The following SGCZ variants were observed in gnomAD, a reference collection of about 807,000 sequenced individuals.
The protein encoded by SGCZ is zeta-sarcoglycan.
Under a neutral mutation model 41.3 loss-of-function variants are expected in SGCZ, and 40 were observed. That is an observed-to-expected ratio of 0.97 (90% CI 0.75 to 1.26). SGCZ has a LOEUF of 1.26. Among genes scored for constraint, SGCZ ranks in the 50% most tolerant of loss-of-function variants. The pLI is 0.00. For missense variants in SGCZ, 552 were observed against 369.8 expected, an observed-to-expected ratio of 1.49 and a Z score of -4.04; for synonymous variants, 206 against 137.5, an observed-to-expected ratio of 1.50 and a Z score of -3.49.
rs547027271 is a variant in SGCZ at position 14,970,072 on chromosome 8, T to C, written c.39+267513A>G. 4.6e-5 allele frequency among the ~76,000 whole-genome samples: 7 copies of C among 152,274 alleles called. No homozygotes were observed. In the East Asian group the frequency reaches 9.6e-4, roughly 21 times the overall value. On this transcript the variant is annotated intron_variant, in intron 1 of 7. Coordinates refer to ENST00000382080, the MANE Select transcript of SGCZ (RefSeq NM_139167.4). ...ACAGTCATTTTAATTATAGTCATTC[T>C]CACTCATTCTCATAAGTGTGTAGTG...
intron 2 of SGCZ, among the ~76,000 whole-genome samples, chr8:14,336,822 G>T (rs12386975): frequency 1.3e-5 from 2 of 152,036 alleles, no homozygotes; most frequent in African/African-American, 4.8e-5. Flanking sequence ...TTCTTCTGTT[G>T]TGCTCCTTAC....
intron 2 of SGCZ, among the ~76,000 whole-genome samples, chr8:14,431,890 A>C (rs949425197): frequency 6.6e-6 from 1 of 152,210 alleles, no homozygotes; most frequent in Admixed American, 6.5e-5. Context: ...ACAGTTCTTA[A>C]AAGAAGATAC....
Position 14,680,963 on chromosome 8 carries a change from G to GAAAAAAAAAAAAAAAAAAAAAAAAAAAA in SGCZ, c.40-126038_40-126037insTTTTTTTTTTTTTTTTTTTTTTTTTTTT, listed in dbSNP as rs374278969. On this transcript the variant is annotated intron_variant, in intron 1 of 7. Transcript: ENST00000382080. ...TGAAACATACAGAGGAAAAAGAGTGGGAAAAAAAAAAAAAAAAACAGAAAA... is the reference window on the plus strand; with the variant it reads ...TGAAACATACAGAGGAAAAAGAGTGGAAAAAAAAAAAAAAAAAAAAAAAAAAAAGAAAAAAAAAAAAAAAAACAGAAAA... Among the ~76,000 whole-genome samples the GAAAAAAAAAAAAAAAAAAAAAAAAAAAA allele has an allele frequency of 6.6e-5, 7 of 106,176 alleles. 1 individual carries two copies. Among genetic ancestry groups the GAAAAAAAAAAAAAAAAAAAAAAAAAAAA allele is most frequent in the South Asian group, 3.0e-4 (1 of 3,384 alleles). The allele number at this position is 106,176 out of a possible 152,430, so 69.7% of individuals were successfully genotyped here.
At chr8:14,766,808 G>A (rs1291086802) in intron 1 of SGCZ, among the ~76,000 whole-genome samples, 1 of 147,152 alleles carries the variant, frequency 6.8e-6, no homozygotes, top group Non-Finnish European at 1.5e-5. Context: ...CATCTACTGA[G>A]CTCAAACAGT....
At chr8:14,164,396 T>C (rs562788278) in intron 5 of SGCZ, among the ~76,000 whole-genome samples, 184 bp downstream of exon 5, 5 of 152,262 alleles carry the variant, frequency 3.3e-5, no homozygotes, top group Non-Finnish European at 7.3e-5. Context: ...CTGCTAATAT[T>C]TGCATTCTTT....
rs1802546997 is a variant in SGCZ, at chr8:14,514,221, TG to T, written c.234+40510del. Among the ~76,000 whole-genome samples the T allele has an allele frequency of 2.0e-5, 3 of 151,702 alleles. No homozygotes were observed. The East Asian group carries it at 5.9e-4, about 30-fold the overall frequency. The stretch of plus-strand genomic sequence containing the variant: ...TGGTGTAGAGCACTGCCATTAGAAA[TG>T]CATTATTTTAAGCAAGCACTTGATA... On this transcript the variant is annotated intron_variant, in intron 2 of 7. Transcript: ENST00000382080.
chr8:14,998,242 A>T (rs1156560802), intron 1 of SGCZ, among the ~76,000 whole-genome samples: 1 of 152,230 alleles, frequency 6.6e-6, no homozygotes, highest in Non-Finnish European at 1.5e-5. Context: ...CTCAGCAAAG[A>T]TAATGAATAA....
intron 2 of SGCZ, among the ~76,000 whole-genome samples, chr8:14,457,529 C>T (rs1009379371): frequency 2.6e-5 from 4 of 152,212 alleles, no homozygotes; most frequent in African/African-American, 7.2e-5. Flanking sequence ...TGCAGTTATC[C>T]GGAGGCCTAA....
chr8:14,365,718 T>C (rs1173592424), intron 2 of SGCZ, among the ~76,000 whole-genome samples: 1 of 152,162 alleles, frequency 6.6e-6, no homozygotes, highest in East Asian at 1.9e-4. Flanking sequence ...GTTTTTATCT[T>C]AAGGCTTAAC....
At chr8:14,580,938 G>A (rs1485986199) in intron 1 of SGCZ, among the ~76,000 whole-genome samples, 1 of 152,102 alleles carries the variant, frequency 6.6e-6, no homozygotes, top group Non-Finnish European at 1.5e-5. Flanking sequence ...CTCTTTCAAA[G>A]GAAAAGTAAA....
chr8:14,315,851 A>T (rs190263744), intron 3 of SGCZ, among the ~76,000 whole-genome samples: 1,822 of 151,892 alleles, frequency 0.012, 21 homozygotes, highest in Non-Finnish European at 0.02. Flanking sequence ...AATAAAAAAA[A>T]ATATAGTAGG....
chr8:15,097,815 C>A (rs1195951546), intron 1 of SGCZ, among the ~76,000 whole-genome samples: 2 of 74,488 alleles, frequency 2.7e-5, no homozygotes, highest in African/African-American at 4.8e-5. Flanking sequence ...TATATATATA[C>A]GTGTGTGTAT....
intron 2 of SGCZ, among the ~76,000 whole-genome samples, chr8:14,405,139 A>C (rs1321308662): frequency 2.0e-4 from 31 of 152,174 alleles, no homozygotes; most frequent in Non-Finnish European, 1.5e-5. Flanking sequence ...GTGAGTGTTC[A>C]CTTTGAATTG....
intron 1 of SGCZ, among the ~76,000 whole-genome samples, chr8:15,107,182 T>C (rs1806861378): frequency 1.3e-5 from 2 of 152,188 alleles, no homozygotes; most frequent in African/African-American, 4.8e-5. Context: ...TTAAAAGTTT[T>C]GTTATCATGC....
chr8:14,247,768 C>A (rs991724602), intron 3 of SGCZ, among the ~76,000 whole-genome samples: 1 of 152,184 alleles, frequency 6.6e-6, no homozygotes, highest in South Asian at 2.1e-4. Context: ...AGGGTTCCAA[C>A]CCTATCCACT....
chr8:14,556,512 T>G (rs888693030), intron 1 of SGCZ, among the ~76,000 whole-genome samples: 6 of 152,062 alleles, frequency 3.9e-5, no homozygotes, highest in Non-Finnish European at 7.4e-5. Flanking sequence ...TAGTGGTGAT[T>G]TGTGAGATTT....
At chr8:14,660,742 C>A (rs1001128539) in intron 1 of SGCZ, among the ~76,000 whole-genome samples, 33 of 151,932 alleles carry the variant, frequency 2.2e-4, no homozygotes, top group African/African-American at 7.5e-4. Flanking sequence ...AAAGGTCTTA[C>A]TGGGAAAGCT....
At chr8:14,198,414 A>ATGGACTT in intron 4 of SGCZ, among the ~76,000 whole-genome samples, 1 of 152,318 alleles carries the variant, frequency 6.6e-6, no homozygotes, top group Middle Eastern at 3.4e-3. Context: ...TAAGTCAAAA[A>ATGGACTT]AGGAACAATG....
intron 1 of SGCZ, among the ~76,000 whole-genome samples, chr8:14,729,478 C>T (rs1237758865): frequency 6.6e-6 from 1 of 152,120 alleles, no homozygotes; most frequent in African/African-American, 2.4e-5. Flanking sequence ...CTTATTTCAA[C>T]ACGACTGGTG....
Sources: allele counts gnomAD v4.1 joint callset (sites outside exome capture counted in the v4.1 genomes callset), GRCh38; gene constraint gnomAD v4.1.1; transcripts MANE v1.5; gene names NCBI Gene and HGNC (gene_info 2026-07-23, HGNC 2026-07-21).